Variants in PCDH15 observed in about 807,000 individuals in gnomAD.
PCDH15 encodes protocadherin related 15, also known as protocadherin-15.
A neutral mutation model predicts 178.5 loss-of-function variants in PCDH15; 129 were observed. The observed-to-expected ratio is 0.72, with a 90% confidence interval of 0.63 to 0.84. The LOEUF is 0.84. Among genes scored for constraint, PCDH15 ranks in the 40% least tolerant of loss-of-function variants. The pLI, the probability that PCDH15 is intolerant of heterozygous loss-of-function variation, is 0.00. For synonymous variants in PCDH15, 800 were observed against 732.0 expected, an observed-to-expected ratio of 1.09 and a Z score of -1.50; for missense variants, 2,230 against 2,099.9, an observed-to-expected ratio of 1.06 and a Z score of -1.21.
Position 54,675,794 on chromosome 10 carries a change from C to G in PCDH15, c.-28-11504G>C, listed in dbSNP as rs961518084. Among the ~76,000 whole-genome samples the G allele has an allele frequency of 1.3e-5, 2 of 152,226 alleles. 1 individual carries two copies. Among genetic ancestry groups the G allele is most frequent in the East Asian group, 3.9e-4 (2 of 5,178 alleles). On this transcript the variant is annotated intron_variant, in intron 1 of 37. Transcript: ENST00000644397. Reference sequence around the variant, plus strand: ...CCTGAGAAGAGGAATCATTATTAGCCAAGCTCCTATCCCAGCTTTTTATCC... The same window carrying G: ...CCTGAGAAGAGGAATCATTATTAGCGAAGCTCCTATCCCAGCTTTTTATCC...
At chr10:54,610,406 G>A (rs893754082) in intron 2 of PCDH15, among the ~76,000 whole-genome samples, 3 of 151,836 alleles carry the variant, frequency 2.0e-5, no homozygotes, top group Admixed American at 6.6e-5. Context: ...AGATAGGTAC[G>A]TTTTAACCAT....
At chr10:55,310,543 T>C (rs1419638227) in intron 1 of PCDH15, among the ~76,000 whole-genome samples, 1 of 152,190 alleles carries the variant, frequency 6.6e-6, no homozygotes, top group Non-Finnish European at 1.5e-5. Context: ...TAATGTGCCA[T>C]ATAAACACAT....
At chr10:54,622,652 T>TA (rs1565777000) in intron 2 of PCDH15, among the ~76,000 whole-genome samples, 2 of 93,842 alleles carry the variant, frequency 2.1e-5, no homozygotes, top group Non-Finnish European at 3.8e-5. Context: ...ATTATATATA[T>TA]ACTATATAAT....
chr10:55,617,775 T>C (rs901447669), intron 2 of PCDH15, among the ~76,000 whole-genome samples: 1 of 152,006 alleles, frequency 6.6e-6, no homozygotes, highest in Non-Finnish European at 1.5e-5. Flanking sequence ...CAGTTCAGAG[T>C]AGCATTGGGT....
chr10:55,590,528 T>A (rs1049289493), intron 2 of PCDH15, among the ~76,000 whole-genome samples: 3 of 152,268 alleles, frequency 2.0e-5, no homozygotes, highest in African/African-American at 7.2e-5. Flanking sequence ...ACAGTTCATC[T>A]CAATTTTGTA....
chr10:54,499,741 A>C (rs1589732383), intron 3 of PCDH15, among the ~76,000 whole-genome samples: 5 of 152,286 alleles, frequency 3.3e-5, no homozygotes, highest in Admixed American at 3.3e-4. Flanking sequence ...CAAATTAACT[A>C]TCTAGCATTA....
Position 55,189,103 on chromosome 10 carries a change from C to T in PCDH15, c.-155-22452G>A, listed in dbSNP as rs145705003. Among the ~76,000 whole-genome samples the T allele has an allele frequency of 9.9e-4, 151 of 152,018 alleles. 1 individual carries two copies. In the Middle Eastern group the frequency reaches 0.02, roughly 21 times the overall value. On this transcript the variant is annotated intron_variant, in intron 1 of 5. Coordinates refer to the PCDH15 transcript ENST00000458638. The stretch of plus-strand genomic sequence containing the variant: ...TTTACTGTTCTGATACTCTTTCCTA[C>T]TGTGTTTCATGGCTACACAAGGAGC...
intron 8 of PCDH15, among the ~76,000 whole-genome samples, chr10:54,250,947 C>T (rs1219986910): frequency 1.3e-5 from 2 of 152,148 alleles, no homozygotes; most frequent in Non-Finnish European, 2.9e-5. Context: ...CTTTAATTAT[C>T]ATTTTAAATT....
At chr10:55,103,169 C>A (rs1216007728) in intron 2 of PCDH15, among the ~76,000 whole-genome samples, 2 of 150,460 alleles carry the variant, frequency 1.3e-5, no homozygotes, top group African/African-American at 4.9e-5. Context: ...CATATGAATC[C>A]TCCTTCTACC....
At chr10:54,154,169 TGATA>T (rs2044846559) in intron 13 of PCDH15, among the ~76,000 whole-genome samples, 1 of 152,186 alleles carries the variant, frequency 6.6e-6, no homozygotes, top group Non-Finnish European at 1.5e-5. Flanking sequence ...CTTGACTTGC[TGATA>T]AATATAAATT....
intron 1 of PCDH15, among the ~76,000 whole-genome samples, chr10:54,678,187 T>C (rs2094828118): frequency 6.6e-6 from 1 of 152,226 alleles, no homozygotes; most frequent in Non-Finnish European, 1.5e-5. Context: ...TATTTATATA[T>C]GCACAAAGGG....
At chr10:55,035,286 C>G (rs369992452) in intron 2 of PCDH15, among the ~76,000 whole-genome samples, 1 of 152,100 alleles carries the variant, frequency 6.6e-6, no homozygotes, top group Non-Finnish European at 1.5e-5. Context: ...ATTGCATTCT[C>G]TGCTTGAAGG....
At chr10:55,072,497 G>C (rs566850016) in intron 2 of PCDH15, among the ~76,000 whole-genome samples, 110 of 152,234 alleles carry the variant, frequency 7.2e-4, no homozygotes, top group South Asian at 5.8e-3. Context: ...AGAAAATCTA[G>C]AAGAAATGGA....
chr10:54,357,706 G>A (rs1262739238), intron 5 of PCDH15, among the ~76,000 whole-genome samples: 1 of 152,142 alleles, frequency 6.6e-6, no homozygotes, highest in East Asian at 1.9e-4. Context: ...GCATCGCCAA[G>A]TCAATCCTAA....
chr10:54,794,440 A>C (rs1203258995), intron 1 of PCDH15, among the ~76,000 whole-genome samples: 1 of 151,828 alleles, frequency 6.6e-6, no homozygotes, highest in East Asian at 1.9e-4. Context: ...CCTGAGTGGA[A>C]ATTTTTCAAT....
intron 2 of PCDH15, among the ~76,000 whole-genome samples, chr10:55,361,115 A>G (rs921590250): frequency 2.6e-5 from 4 of 152,136 alleles, no homozygotes; most frequent in East Asian, 1.9e-4. Context: ...ATATTGCATG[A>G]TATCATTAAT....
chr10:55,042,694 G>A lies in PCDH15; in HGVS notation c.-80+123882C>T, dbSNP rs570957597. 2.6e-5 allele frequency among the ~76,000 whole-genome samples: 4 copies of A among 152,146 alleles called. No individual in the cohort carries two copies. The East Asian group carries it at 7.7e-4, about 29-fold the overall frequency. ...TAAATTAAAAGTCACTCAAAGTCAT[G>A]TCTATCAGTGAATTTATGCACAGGC... is the stretch of plus-strand genomic sequence containing the variant. On this transcript the variant is annotated intron_variant, in intron 2 of 5. Transcript: ENST00000458638.
intron 2 of PCDH15, among the ~76,000 whole-genome samples, chr10:55,386,310 T>TA (rs1837658008): frequency 6.6e-6 from 1 of 151,990 alleles, no homozygotes; most frequent in Non-Finnish European, 1.5e-5. Context: ...AATAAAATTT[T>TA]AAAAAACTGA....
intron 1 of PCDH15, among the ~76,000 whole-genome samples, chr10:55,276,473 G>C (rs968331052): frequency 1.3e-5 from 2 of 150,742 alleles, no homozygotes; most frequent in African/African-American, 4.9e-5. Context: ...AATTTATTGA[G>C]TTTATTATAT....
Sources: gnomAD v4.1 joint callset for allele counts (sites outside exome capture counted in the v4.1 genomes callset) on GRCh38, gnomAD v4.1.1 for gene constraint, MANE v1.5 for transcripts, NCBI Gene and HGNC (gene_info 2026-07-23, HGNC 2026-07-21) for gene names.